Variants in RPS2 observed in about 807,000 individuals in gnomAD.
RPS2 encodes small ribosomal subunit protein uS5.
In RPS2, 8 loss-of-function variants were observed where a neutral mutation model predicts 25.3. That is an observed-to-expected ratio of 0.32 (90% CI 0.19 to 0.57). The LOEUF (loss-of-function observed/expected upper bound fraction) is 0.57, where lower values mean the gene tolerates loss of function less well. RPS2 is among the 20% of genes least tolerant of loss of function. RPS2 has a pLI of 0.90. For missense variants in RPS2, 229 were observed against 408.1 expected (o/e 0.56, Z 3.78); for synonymous variants, 181 against 161.3 (o/e 1.12, Z -0.92).
chr16:1,964,192 T>C (rs1246650601), intron 3 of RPS2, 84 bp downstream of exon 3: 1 of 1,012,398 alleles, frequency 9.9e-7, no homozygotes, highest in African/African-American at 1.6e-5. Flanking sequence ...TTAATGCGAG[T>C]CAATGGCAGA....
chr16:1,962,230 G>A lies in RPS2; in HGVS notation c.750C>T (p.Tyr250=), dbSNP rs912263475. 4 of 1,611,752 alleles carry A rather than the reference G, an allele frequency of 2.5e-6. No homozygotes were observed. The highest frequency in any genetic ancestry group is 1.7e-4 in the Middle Eastern group (1 of 6,058). ...TFDAISKTYS[Y]LTPDLWKETV... ...TCTCCTTCCAGAGGTCGGGGGTCAG[G>A]TAGCTGTAGGTCTTAGAAATGGCAT... The change falls in exon 7 of 7, where the codon TAC becomes TAT. Residue 250 remains tyrosine, a synonymous_variant. Transcript: ENST00000343262.
rs1321337545 is a variant in RPS2 at position 1,962,786 on chromosome 16, T to C, written c.499A>G (p.Arg167Gly). ...LAKLSIVPVR[R>G]GYWGNKIGKP... ...CCGATCTTGTTCCCCCAGTAGCCTC[T>C]GCGCACGGGGACGATGGAGAGCTTG... Residue 167 changes from arginine (R) to glycine (G), a missense_variant, in exon 5 of 7, where the codon AGA (arginine) becomes GGA (glycine). Arg to Gly is a moderately radical substitution (Grantham distance 125). Transcript: ENST00000343262. 1.2e-6 allele frequency: 2 copies of C among 1,611,298 alleles called. No individual in the cohort carries two copies. The highest frequency in any genetic ancestry group is 1.3e-5 in the African/African-American group (1 of 74,870).
chr16:1,962,519 G>A lies in RPS2; in HGVS notation c.687C>T (p.Cys229=), dbSNP rs146634856. The A allele has an allele frequency of 3.8e-4, 608 of 1,612,244 alleles. No individual in the cohort carries two copies. The highest frequency in any genetic ancestry group is 4.7e-4 in the Non-Finnish European group (555 of 1,179,786). Residue 229 remains cysteine (C), a synonymous_variant, in exon 6 of 7, where the codon TGC becomes TGT. Transcript: ENST00000343262. ...IDDCYTSARG[C]TATLGNFAKA... Reference sequence around the variant, plus strand: ...TACCGAAGTTGCCCAGGGTGGCAGTGCAGCCCCGGGCTGAGGTGTAGCAGT... The same window carrying A: ...TACCGAAGTTGCCCAGGGTGGCAGTACAGCCCCGGGCTGAGGTGTAGCAGT...
chr16:1,963,676 C>A, intron 3 of RPS2: 2 of 394,790 alleles, frequency 5.1e-6, no homozygotes, highest in South Asian at 3.6e-5. Context: ...GATCTGTCCC[C>A]TTCGTTTCGT....
chr16:1,964,201 G>C, intron 3 of RPS2, 75 bp downstream of exon 3: 1 of 1,094,112 alleles, frequency 9.1e-7, no homozygotes, highest in Non-Finnish European at 1.4e-6. Context: ...GTCAATGGCA[G>C]ATGCTAATCC....
chr16:1,962,630 C>A lies in RPS2; in HGVS notation c.576G>T (p.Leu192=). ...CCCTGGGTGCAGGGATGAGGCGTAC[C>A]AGCACAGAGCCGCAGCGGCCTGTCA... is the stretch of plus-strand genomic sequence containing the variant. ...CKVTGRCGSV[L]VRLIPAPRGT... is the part of the protein sequence containing the mutation. Residue 192 remains leucine (L), a synonymous_variant, in exon 6 of 7, where the codon CTG becomes CTT. Transcript: ENST00000343262. 1 of 1,606,850 alleles carries A rather than the reference C, an allele frequency of 6.2e-7. No individual in the cohort carries two copies. Among genetic ancestry groups the A allele is most frequent in the Non-Finnish European group, 8.5e-7 (1 of 1,177,758 alleles).
Position 1,962,756 on chromosome 16 carries a change from G to T in RPS2, c.529C>A (p.Pro177Thr), listed in dbSNP as rs1427710783. 1.9e-6 allele frequency: 3 copies of T among 1,605,060 alleles called. No individual in the cohort carries two copies. The highest frequency in any genetic ancestry group is 2.2e-5 in the South Asian group (2 of 90,290). ...RGYWGNKIGK[P>T]HTVPCKVTGR... Reference sequence around the variant, plus strand: ...CCTACCTTGCAAGGGACAGTGTGGGGCTTGCCGATCTTGTTCCCCCAGTAG... The same window carrying T: ...CCTACCTTGCAAGGGACAGTGTGGGTCTTGCCGATCTTGTTCCCCCAGTAG... Residue 177 changes from proline to threonine, a missense_variant, in exon 5 of 7, where the codon CCC becomes ACC. Physicochemically the swap from Pro to Thr is conservative, Grantham distance 38. This residue lies in a region of RPS2 where 79 missense variants were observed against 159.0 expected (regional missense o/e 0.50). Transcript: ENST00000343262.
rs756043504 is a variant in RPS2 at position 1,962,814 on chromosome 16, C to T, written c.471G>A (p.Leu157=). The change falls in exon 5 of 7, where the codon CTG becomes CTA. Residue 157 remains leucine, a synonymous_variant. Coordinates refer to ENST00000343262, the MANE Select transcript of RPS2 (RefSeq NM_002952.4). ...VATAIRGAII[L]AKLSIVPVRR... is the part of the protein sequence containing the mutation. ...GCACGGGGACGATGGAGAGCTTGGCCAGGATGATGGCCCCACGGATGGCGG... is the reference window on the plus strand; with the variant it reads ...GCACGGGGACGATGGAGAGCTTGGCTAGGATGATGGCCCCACGGATGGCGG... The T allele has an allele frequency of 1.3e-5, 21 of 1,610,554 alleles. No homozygotes were observed. The East Asian group carries it at 1.6e-4, about 12-fold the overall frequency.
chr16:1,963,650 C>A, intron 3 of RPS2: 1 of 349,184 alleles, frequency 2.9e-6, no homozygotes, highest in Non-Finnish European at 5.7e-6. Flanking sequence ...TGAACCCCCT[C>A]ACCTGGCTTC....
chr16:1,964,488 T>G lies in RPS2; in HGVS notation c.138A>C (p.Arg46=), dbSNP rs78924165. The change falls in exon 2 of 7, where the codon CGA becomes CGC. Residue 46 remains arginine, a synonymous_variant. Coordinates refer to ENST00000343262, the MANE Select transcript of RPS2 (RefSeq NM_002952.4). ...CCTTGCCTCCGCGAGCTCCGCGGCC[T>G]CGGCCCCGGCCCCGTCCACGGCCGC... ...RGRGRGRGRG[R]GRGARGGKAE... 1 of 1,607,320 alleles carries G rather than the reference T, an allele frequency of 6.2e-7. No homozygotes were observed. The highest frequency in any genetic ancestry group is 8.5e-7 in the Non-Finnish European group (1 of 1,177,926).
At chr16:1,963,005 CAGTA>C in intron 4 of RPS2, 96 bp from the exon 5 acceptor site, 1 of 1,432,946 alleles carries the variant, frequency 7.0e-7, no homozygotes, top group Non-Finnish European at 9.8e-7. Context: ...AGAGAGGCCA[CAGTA>C]AGGCCCATCC....
At chr16:1,964,396 A>G (rs1161247434) in intron 2 of RPS2, 31 bp from the exon 3 acceptor site, 15 of 1,612,976 alleles carry the variant, frequency 9.3e-6, no homozygotes, top group Non-Finnish European at 1.3e-5. Flanking sequence ...AGTGACCAGG[A>G]CCGCTCTCCG....
chr16:1,964,663 G>C, intron 1 of RPS2, 35 bp from the exon 2 acceptor site: 1 of 1,144,196 alleles, frequency 8.7e-7, no homozygotes, highest in South Asian at 1.5e-5. Context: ...TAGTCAGTGT[G>C]GCCTACGCAT....
In RPS2 at chr16:1,962,592, A is replaced by T; in HGVS notation, c.614T>A (p.Val205Asp). 6.2e-7 allele frequency: 1 copy of T among 1,611,178 alleles called. No homozygotes were observed. Among genetic ancestry groups the T allele is most frequent in the Non-Finnish European group, 8.5e-7 (1 of 1,179,642 alleles). Residue 205 changes from valine (V) to aspartate (D), a missense_variant, in exon 6 of 7, where the codon GTC (valine) becomes GAC (aspartate). Around this residue, in one of 7 missense-constraint regions of RPS2, gnomAD observed 79 missense variants for 159.0 expected, o/e 0.50. Transcript: ENST00000343262. ...LIPAPRGTGIVSAPVPKKLLM... is the reference protein window; with the variant it reads ...LIPAPRGTGIDSAPVPKKLLM... ...CAGCTTCTTAGGCACAGGTGCGGAG[A>T]CGATGCCAGTGCCCCTGGGTGCAGG...
intron 6 of RPS2, 79 bp downstream of exon 6, chr16:1,962,416 AAC>A: frequency 6.9e-7 from 1 of 1,453,872 alleles, no homozygotes; most frequent in Non-Finnish European, 9.7e-7. Flanking sequence ...CCTCCCTGAA[AAC>A]ACGCCAAGCA....
intron 3 of RPS2, 87 bp downstream of exon 3, chr16:1,964,189 G>A (rs1358549532): frequency 3.1e-6 from 3 of 981,412 alleles, no homozygotes; most frequent in African/African-American, 1.6e-5. Context: ...CCTTTAATGC[G>A]AGTCAATGGC....
In RPS2 at chr16:1,964,531, C is replaced by G; in HGVS notation, c.95G>C (p.Gly32Ala). The part of the protein sequence containing the change: ...RGGFRGGFGS[G>A]IRGRGRGRGR... ...ACGGCCGCGACCCCGGCCCCGGATG[C>G]CACTGCCGAAACCTCCGCGGAAGCC... is the stretch of plus-strand genomic sequence containing the variant. The change falls in exon 2 of 7, where the codon GGC (glycine) becomes GCC (alanine). Residue 32 changes from glycine to alanine, a missense_variant. By Grantham distance (60) the Gly-to-Ala change is moderately conservative (BLOSUM62 0). This residue lies in a region of RPS2 where 70 missense variants were observed against 119.0 expected (regional missense o/e 0.59). Coordinates refer to ENST00000343262, the MANE Select transcript of RPS2 (RefSeq NM_002952.4). 1.9e-6 allele frequency: 3 copies of G among 1,593,852 alleles called. No homozygotes were observed. The highest frequency in any genetic ancestry group is 2.6e-6 in the Non-Finnish European group (3 of 1,170,262).
chr16:1,964,036 G>A (rs981684872), intron 3 of RPS2: 3 of 550,800 alleles, frequency 5.4e-6, no homozygotes, highest in Non-Finnish European at 9.8e-6. Context: ...CTTTCGAAAT[G>A]AATTCGCTGC....
At chr16:1,963,766 G>A (rs1239765519) in intron 3 of RPS2, 1 of 455,934 alleles carries the variant, frequency 2.2e-6, no homozygotes, top group Non-Finnish European at 4.4e-6. Flanking sequence ...CTCTTGTTTG[G>A]TGAGATGTGG....
Sources: gnomAD v4.1 joint callset for allele counts on GRCh38, gnomAD v4.1.1 for gene constraint, gnomAD v4.1.1 regional missense constraint, MANE v1.5 for transcripts, NCBI Gene and HGNC (gene_info 2026-07-23, HGNC 2026-07-21) for gene names.